MRTFA: variants seen among roughly 807,000 people sequenced by gnomAD.
The protein encoded by MRTFA is myocardin-related transcription factor A.
MRTFA carries 20 observed loss-of-function variants against 83.5 expected under a neutral mutation model. The ratio of observed to expected loss-of-function variants is 0.24; its 90% CI spans 0.17 to 0.35. The LOEUF (loss-of-function observed/expected upper bound fraction) is 0.35, where lower values mean the gene tolerates loss of function less well. MRTFA is among the 10% of genes least tolerant of loss of function. MRTFA has a pLI of 1.00. For synonymous variants in MRTFA, 659 were observed against 541.2 expected (o/e 1.22, Z -3.02); for missense variants, 1,200 against 1,224.7 (o/e 0.98, Z 0.30).
intron 9 of MRTFA, 118 bp from the exon 10 acceptor site, chr22:40,421,218 C>T: frequency 8.5e-7 from 1 of 1,174,674 alleles, no homozygotes; most frequent in Non-Finnish European, 1.2e-6. Flanking sequence ...CCACACTTTG[C>T]CCATTTCCAC....
At chr22:40,475,683 T>A (rs2053982795) in intron 3 of MRTFA, among the ~76,000 whole-genome samples, 2 of 152,236 alleles carry the variant, frequency 1.3e-5, no homozygotes, top group Admixed American at 1.3e-4. Context: ...GAGACACATG[T>A]GTACATTAAA....
intron 2 of MRTFA, among the ~76,000 whole-genome samples, chr22:40,592,943 AC>A (rs1187471056): frequency 6.6e-6 from 1 of 152,166 alleles, no homozygotes; most frequent in Admixed American, 6.5e-5. Context: ...GCAGTACTGT[AC>A]TTTTTTACTC....
intron 3 of MRTFA, among the ~76,000 whole-genome samples, chr22:40,525,987 G>A (rs1439418777): frequency 6.6e-6 from 1 of 151,962 alleles, no homozygotes; most frequent in East Asian, 1.9e-4. Context: ...AAATAGGATG[G>A]TCAGGGAGTG....
rs1281194728 is a variant in MRTFA at position 40,411,783 on chromosome 22, G to A, written c.2703C>T (p.Ala901=). 4 of 1,532,920 alleles carry A rather than the reference G, an allele frequency of 2.6e-6. No homozygotes were observed. In the Admixed American group the frequency reaches 7.9e-5, roughly 30 times the overall value. 95.0% of individuals were successfully genotyped at this position (1,532,920 alleles called of 1,614,324 possible). The change falls in exon 15 of 15, where the codon GCC becomes GCT. Residue 901 remains alanine (A), a synonymous_variant. Transcript: ENST00000355630. ...GGGAGGGTGAGCCTGGAGGAGGTGG[G>A]GCAGCCTGGGGGAGCTCAGCAGAAG...
At chr22:40,496,458 A>C (rs945978159) in intron 3 of MRTFA, among the ~76,000 whole-genome samples, 2 of 149,200 alleles carry the variant, frequency 1.3e-5, no homozygotes, top group African/African-American at 5.0e-5. Flanking sequence ...TGTATCTTCT[A>C]CATTTTCTAC....
rs747279423 is a variant in MRTFA, at chr22:40,411,793, G to T, written c.2693C>A (p.Pro898His). Residue 898 changes from proline (P) to histidine (H), a missense_variant, in exon 15 of 15, where the codon CCC becomes CAC. This residue lies in a region of MRTFA where 1,107 missense variants were observed against 1,041.8 expected (regional missense o/e 1.06). Transcript: ENST00000355630. The stretch of plus-strand genomic sequence containing the variant: ...GCCTGGAGGAGGTGGGGCAGCCTGG[G>T]GGAGCTCAGCAGAAGGTGATGGCTG... 15 of 1,529,700 alleles carry T rather than the reference G, an allele frequency of 9.8e-6. No individual in the cohort carries two copies. In the East Asian group the frequency reaches 3.4e-4, roughly 35 times the overall value. The allele number at this position is 1,529,700 out of a possible 1,614,324, so 94.8% of individuals were successfully genotyped here.
At chr22:40,457,434 AAGAG>A (rs150701613) in intron 4 of MRTFA, among the ~76,000 whole-genome samples, 3 of 91,428 alleles carry the variant, frequency 3.3e-5, no homozygotes, top group African/African-American at 4.7e-5. Context: ...GAAAGAAAGA[AAGAG>A]AAAGAAAGAA....
intron 3 of MRTFA, among the ~76,000 whole-genome samples, chr22:40,504,279 TA>T (rs1200394043): frequency 6.6e-6 from 1 of 152,192 alleles, no homozygotes; most frequent in Non-Finnish European, 1.5e-5. Context: ...CTTGGAAATT[TA>T]AGGCAGAAGG....
At chr22:40,549,957 G>C (rs1365455803) in intron 3 of MRTFA, among the ~76,000 whole-genome samples, 1 of 151,132 alleles carries the variant, frequency 6.6e-6, no homozygotes, top group African/African-American at 2.4e-5. Flanking sequence ...GCTGAGGCAA[G>C]AGAATTGCTT....
intron 7 of MRTFA, 93 bp from the exon 8 acceptor site, chr22:40,424,474 T>C: frequency 7.4e-7 from 1 of 1,356,698 alleles, no homozygotes; most frequent in Non-Finnish European, 1.0e-6. Flanking sequence ...GCAGAGTGCC[T>C]GGCCCACAGC....
intron 3 of MRTFA, among the ~76,000 whole-genome samples, chr22:40,472,905 G>C (rs545381723): frequency 4.6e-5 from 7 of 152,234 alleles, no homozygotes; most frequent in African/African-American, 1.7e-4. Context: ...TTGTTAATTT[G>C]TTCAAAAGTT....
At chr22:40,489,092 A>C (rs906143618) in intron 3 of MRTFA, among the ~76,000 whole-genome samples, 1 of 152,200 alleles carries the variant, frequency 6.6e-6, no homozygotes, top group African/African-American at 2.4e-5. Context: ...AATAAGGAAA[A>C]TAAAGCTATA....
intron 3 of MRTFA, among the ~76,000 whole-genome samples, chr22:40,508,283 G>A (rs1463462783): frequency 6.6e-6 from 1 of 151,964 alleles, no homozygotes. Flanking sequence ...GCCGAGGCGG[G>A]CAGATCATTT....
chr22:40,531,801 T>C lies in MRTFA; in HGVS notation c.241+20305A>G, dbSNP rs368146915. 2.0e-5 allele frequency among the ~76,000 whole-genome samples: 3 copies of C among 152,342 alleles called. No individual in the cohort carries two copies. The East Asian group carries it at 5.8e-4, about 29-fold the overall frequency. ...TACTATACAGCTGTCATATTACTGT[T>C]ACAATCCAGCTAATGGCTACAGCAC... is the stretch of plus-strand genomic sequence containing the variant. On this transcript the variant is annotated intron_variant, in intron 3 of 14. Transcript: ENST00000355630.
chr22:40,527,924 A>G (rs550710613), intron 3 of MRTFA, among the ~76,000 whole-genome samples: 197 of 149,320 alleles, frequency 1.3e-3, no homozygotes, highest in African/African-American at 4.5e-3. Context: ...AAAAAGGAGG[A>G]AAAAAAAAGA....
intron 14 of MRTFA, among the ~76,000 whole-genome samples, chr22:40,414,736 C>T (rs764229382): frequency 7.2e-5 from 11 of 152,138 alleles, no homozygotes; most frequent in Non-Finnish European, 1.3e-4. Flanking sequence ...GAGTTACTGT[C>T]TAATGGGTAC....
intron 3 of MRTFA, among the ~76,000 whole-genome samples, chr22:40,497,305 G>A (rs1469232329): frequency 6.6e-6 from 1 of 152,114 alleles, no homozygotes; most frequent in Non-Finnish European, 1.5e-5. Context: ...CAAAGGCAGA[G>A]GAACGCACAA....
chr22:40,524,746 G>A (rs1225699795), intron 3 of MRTFA, among the ~76,000 whole-genome samples: 1 of 152,100 alleles, frequency 6.6e-6, no homozygotes, highest in African/African-American at 2.4e-5. Context: ...TCTTTTAACT[G>A]TACCTACCTG....
At chr22:40,486,048 C>T (rs1020457524) in intron 3 of MRTFA, among the ~76,000 whole-genome samples, 15 of 152,194 alleles carry the variant, frequency 9.9e-5, no homozygotes, top group Admixed American at 1.3e-4. Context: ...GTGTGTTCAG[C>T]ACATACCTGA....
Sources: gnomAD v4.1 joint callset for allele counts (sites outside exome capture counted in the v4.1 genomes callset) on GRCh38, gnomAD v4.1.1 for gene constraint, gnomAD v4.1.1 regional missense constraint, MANE v1.5 for transcripts, NCBI Gene and HGNC (gene_info 2026-07-23, HGNC 2026-07-21) for gene names.